Variants in LRFN5 observed in about 807,000 individuals in gnomAD.
LRFN5 encodes the protein leucine rich repeat and fibronectin type III domain containing 5, also known as leucine-rich repeat and fibronectin type-III domain-containing protein 5.
A neutral mutation model predicts 45.6 loss-of-function variants in LRFN5; 24 were observed. The observed-to-expected ratio is 0.53, with a 90% CI of 0.38 to 0.74. The LOEUF (loss-of-function observed/expected upper bound fraction) is 0.74. Among genes scored for constraint, LRFN5 ranks in the 30% least tolerant of loss-of-function variants. LRFN5 has a pLI of 0.00. For synonymous variants in LRFN5, 340 were observed against 313.8 expected (o/e 1.08, Z -0.88); for missense variants, 776 against 861.5 (o/e 0.90, Z 1.24).
At chr14:41,612,356 G>A (rs1028965285) in intron 1 of LRFN5, among the ~76,000 whole-genome samples, 1 of 152,180 alleles carries the variant, frequency 6.6e-6, no homozygotes, top group South Asian at 2.1e-4. Flanking sequence ...ACTTCCTAAA[G>A]GCTTAACTGG....
intron 1 of LRFN5, among the ~76,000 whole-genome samples, chr14:41,684,074 A>G (rs1882017024): frequency 6.6e-6 from 1 of 152,204 alleles, no homozygotes; most frequent in African/African-American, 2.4e-5. Context: ...TATCCCACAC[A>G]ACATAGTGCA....
intron 1 of LRFN5, among the ~76,000 whole-genome samples, chr14:41,757,803 G>A (rs558707596): frequency 9.2e-5 from 14 of 152,236 alleles, no homozygotes; most frequent in East Asian, 3.9e-4. Flanking sequence ...AGATGAACCC[G>A]GTACCTCAGT....
At chr14:41,747,646 A>G (rs1334442969) in intron 1 of LRFN5, among the ~76,000 whole-genome samples, 1 of 152,048 alleles carries the variant, frequency 6.6e-6, no homozygotes, top group African/African-American at 2.4e-5. Flanking sequence ...AGGCATAGCC[A>G]ACAAAGAGAA....
chr14:41,871,574 A>G (rs912033753), intron 2 of LRFN5, among the ~76,000 whole-genome samples: 1 of 132,678 alleles, frequency 7.5e-6, no homozygotes, highest in African/African-American at 2.7e-5. Context: ...AGGCAACAAG[A>G]GCAAAAATCT....
In LRFN5 at chr14:41,891,838, A is replaced by G; in HGVS notation, c.1974A>G (p.Glu658=). Residue 658 remains glutamate, a synonymous_variant, in exon 4 of 6, where the codon GAA becomes GAG. Transcript: ENST00000298119. ...AGCCAAGTACAGAACCACAGAATGAAGCCGTCACAAATGTTGAATCCCAAA... is the reference window on the plus strand; with the variant it reads ...AGCCAAGTACAGAACCACAGAATGAGGCCGTCACAAATGTTGAATCCCAAA... ...GTKPSTEPQN[E]AVTNVESQNT... is the part of the protein sequence containing the mutation. 6.2e-7 allele frequency: 1 copy of G among 1,614,184 alleles called. No homozygotes were observed. Among genetic ancestry groups the G allele is most frequent in the Non-Finnish European group, 8.5e-7 (1 of 1,180,034 alleles).
Position 41,753,771 on chromosome 14 carries a change from C to G in LRFN5, c.-196-13083C>G, listed in dbSNP as rs1016106738. Among the ~76,000 whole-genome samples the G allele has an allele frequency of 2.1e-4, 32 of 152,228 alleles. 1 individual carries two copies. The highest frequency in any genetic ancestry group is 1.0e-3 in the Admixed American group (16 of 15,294). On this transcript the variant is annotated intron_variant, in intron 1 of 5. Coordinates refer to ENST00000298119, the MANE Select transcript of LRFN5 (RefSeq NM_152447.5). The stretch of plus-strand genomic sequence containing the variant: ...AATACCCTTTATTTCCTTCTCCTGC[C>G]TGATTGCCCTGGCCAGGACTTCCAA...
At chr14:41,728,492 G>A (rs1342940128) in intron 1 of LRFN5, among the ~76,000 whole-genome samples, 10 of 152,076 alleles carry the variant, frequency 6.6e-5, no homozygotes, top group African/African-American at 2.4e-4. Flanking sequence ...GAAAAATAAA[G>A]CAAATTGAAA....
At chr14:41,804,545 C>T (rs995685173) in intron 2 of LRFN5, among the ~76,000 whole-genome samples, 5 of 152,112 alleles carry the variant, frequency 3.3e-5, no homozygotes, top group African/African-American at 1.2e-4. Flanking sequence ...CTCCTCTCAT[C>T]CTCCTAACCT....
intron 2 of LRFN5, among the ~76,000 whole-genome samples, chr14:41,787,805 G>T (rs1029996544): frequency 1.3e-5 from 2 of 151,442 alleles, no homozygotes; most frequent in African/African-American, 4.9e-5. Flanking sequence ...AGTATCTTCT[G>T]TACTTAATGT....
intron 1 of LRFN5, among the ~76,000 whole-genome samples, chr14:41,698,597 T>A (rs1188188035): frequency 1.3e-5 from 2 of 152,016 alleles, no homozygotes; most frequent in African/African-American, 4.8e-5. Flanking sequence ...AAGGTTGAGA[T>A]CCAGTGCTGT....
intron 1 of LRFN5, among the ~76,000 whole-genome samples, chr14:41,670,832 T>A (rs1881173241): frequency 1.3e-5 from 2 of 152,196 alleles, no homozygotes; most frequent in Admixed American, 1.3e-4. Flanking sequence ...CAGCCATTAT[T>A]CCCTTAATGA....
intron 5 of LRFN5, among the ~76,000 whole-genome samples, chr14:41,901,432 TTGTGTGTGTGTG>T (rs3032306): frequency 7.8e-4 from 116 of 148,040 alleles, no homozygotes; most frequent in African/African-American, 2.7e-3. Flanking sequence ...TATGTATGCA[TTGTGTGTGTGTG>T]TGTGTGTGTG....
At chr14:41,894,666 G>A (rs1041177330) in intron 4 of LRFN5, 1 of 985,208 alleles carries the variant, frequency 1.0e-6, no homozygotes, top group Admixed American at 6.1e-5. Flanking sequence ...TACAGAAAAG[G>A]TGGGAATGAT....
chr14:41,633,835 C>T (rs993998110), intron 1 of LRFN5, among the ~76,000 whole-genome samples: 1 of 152,002 alleles, frequency 6.6e-6, no homozygotes, highest in Non-Finnish European at 1.5e-5. Flanking sequence ...ACCCTATCTT[C>T]CTCATACACA....
chr14:41,819,034 T>A (rs961981519), intron 2 of LRFN5, among the ~76,000 whole-genome samples: 1 of 152,186 alleles, frequency 6.6e-6, no homozygotes, highest in Non-Finnish European at 1.5e-5. Context: ...GATAATAGCC[T>A]CCAGTTCTGT....
intron 2 of LRFN5, among the ~76,000 whole-genome samples, chr14:41,852,941 G>A (rs1258241071): frequency 2.6e-5 from 4 of 151,336 alleles, no homozygotes; most frequent in Non-Finnish European, 5.9e-5. Context: ...TAATTTTTTT[G>A]TGTTTTCTTG....
chr14:41,792,361 A>G (rs1314148714), intron 2 of LRFN5, among the ~76,000 whole-genome samples: 1 of 152,012 alleles, frequency 6.6e-6, no homozygotes, highest in Non-Finnish European at 1.5e-5. Flanking sequence ...AACAGAAAAC[A>G]GGTTCGAGAG....
chr14:41,710,544 T>A (rs541270728), intron 1 of LRFN5, among the ~76,000 whole-genome samples: 1 of 152,088 alleles, frequency 6.6e-6, no homozygotes, highest in Non-Finnish European at 1.5e-5. Context: ...CATTTTGTTA[T>A]AACTAACAAG....
chr14:41,682,910 A>G (rs1881964259), intron 1 of LRFN5, among the ~76,000 whole-genome samples: 1 of 152,166 alleles, frequency 6.6e-6, no homozygotes, highest in Non-Finnish European at 1.5e-5. Flanking sequence ...TCCTACTCAA[A>G]CTATTCCAAA....
Sources: allele counts gnomAD v4.1 joint callset (sites outside exome capture counted in the v4.1 genomes callset), GRCh38; gene constraint gnomAD v4.1.1; transcripts MANE v1.5; gene names NCBI Gene and HGNC (gene_info 2026-07-23, HGNC 2026-07-21).